Variants in PALS2 observed in about 807,000 individuals in gnomAD.
PALS2 encodes protein associated with LIN7 2, MAGUK p55 family member.
PALS2 carries 27 observed loss-of-function variants against 61.6 expected under a neutral mutation model. The ratio of observed to expected loss-of-function variants is 0.44; its 90% CI spans 0.32 to 0.60. PALS2 has a LOEUF of 0.60. PALS2 is among the 20% of genes least tolerant of loss of function. PALS2 has a pLI of 0.05. For synonymous variants in PALS2, 236 were observed against 218.6 expected (o/e 1.08, Z -0.70); for missense variants, 554 against 639.4 (o/e 0.87, Z 1.44).
At chr7:24,685,580 C>T (rs1788152346) in intron 11 of PALS2, among the ~76,000 whole-genome samples, 1 of 151,128 alleles carries the variant, frequency 6.6e-6, no homozygotes, top group Admixed American at 6.6e-5. Flanking sequence ...AGAGACCACT[C>T]TATAGCCAGA....
intron 1 of PALS2, among the ~76,000 whole-genome samples, chr7:24,575,786 C>A (rs1782621154): frequency 6.6e-6 from 1 of 151,894 alleles, no homozygotes; most frequent in Admixed American, 6.6e-5. Context: ...AAAAAACAGC[C>A]AGAAAATAAA....
chr7:24,623,645 A>T (rs565567806), intron 1 of PALS2, 21 bp from the exon 2 acceptor site: 1 of 1,410,318 alleles, frequency 7.1e-7, no homozygotes, highest in Non-Finnish European at 9.7e-7. Context: ...GTTTGTTTTT[A>T]TGTTGCTTTT....
At chr7:24,606,964 A>G (rs1007218057) in intron 1 of PALS2, among the ~76,000 whole-genome samples, 6 of 152,148 alleles carry the variant, frequency 3.9e-5, no homozygotes, top group Admixed American at 6.6e-5. Flanking sequence ...AATTTTGTGC[A>G]TGAAACAAAG....
rs950281097 is a variant in PALS2 at position 24,678,934 on chromosome 7, G to A, written c.1115-197G>A. Among the ~76,000 whole-genome samples the A allele has an allele frequency of 2.0e-5, 3 of 152,102 alleles. 1 individual carries two copies. Among genetic ancestry groups the A allele is most frequent in the African/African-American group, 7.2e-5 (3 of 41,420 alleles). On this transcript the variant is annotated intron_variant, in intron 9 of 11. Transcript: ENST00000222644. ...ACCATTTTAATGGGAAAGAAACCAT[G>A]TATGATACATAAACAAATGAGTATG...
intron 1 of PALS2, among the ~76,000 whole-genome samples, chr7:24,621,149 C>A (rs1011529428): frequency 3.9e-5 from 6 of 152,046 alleles, no homozygotes; most frequent in African/African-American, 1.4e-4. Flanking sequence ...TTCTTTACTT[C>A]TTATGTCATC....
At chr7:24,650,742 A>G (rs750979862) in intron 5 of PALS2, 30 bp downstream of exon 5, 4 of 1,364,694 alleles carry the variant, frequency 2.9e-6, no homozygotes, top group Non-Finnish European at 4.0e-6. Flanking sequence ...GTAGTATTAA[A>G]AATACTTTCA....
At chr7:24,662,957 TA>T (rs1786814221) in intron 5 of PALS2, among the ~76,000 whole-genome samples, 1 of 152,266 alleles carries the variant, frequency 6.6e-6, no homozygotes, top group Non-Finnish European at 1.5e-5. Flanking sequence ...AATGCAAATG[TA>T]AAAGAAATGT....
rs1032864029 is a variant in PALS2 at position 24,618,192 on chromosome 7, G to T, written c.-2-5474G>T. 1.3e-5 allele frequency among the ~76,000 whole-genome samples: 2 copies of T among 152,142 alleles called. No individual in the cohort carries two copies. The highest frequency in any genetic ancestry group is 1.9e-4 in the East Asian group (1 of 5,192). The stretch of plus-strand genomic sequence containing the variant: ...ACATGTCAGCTGCTCAGTTGCTCAG[G>T]GACCTCTGCTGCTCAGGGGAGGGCA... On this transcript the variant is annotated intron_variant, in intron 1 of 11. Coordinates refer to ENST00000222644, the MANE Select transcript of PALS2 (RefSeq NM_001303037.2). This position sits in a 1 kb window ranked among gnomAD's most constrained non-coding sequence, Gnocchi z 5.1.
chr7:24,600,358 C>T (rs1371251743), intron 1 of PALS2, among the ~76,000 whole-genome samples: 1 of 152,010 alleles, frequency 6.6e-6, no homozygotes, highest in Non-Finnish European at 1.5e-5. Context: ...TGACTGTATC[C>T]AAATTGATGA....
At chr7:24,623,145 A>G (rs1446219866) in intron 1 of PALS2, among the ~76,000 whole-genome samples, 1 of 148,654 alleles carries the variant, frequency 6.7e-6, no homozygotes, top group African/African-American at 2.5e-5. Context: ...TGTTGGGTTT[A>G]GTATCAGGGT....
At chr7:24,650,815 A>C in intron 5 of PALS2, 103 bp downstream of exon 5, 1 of 849,476 alleles carries the variant, frequency 1.2e-6, no homozygotes, top group Non-Finnish European at 1.7e-6. Flanking sequence ...AGAAAAGAGA[A>C]AAAATTGATT....
At chr7:24,595,535 A>G (rs921547243) in intron 1 of PALS2, among the ~76,000 whole-genome samples, 3 of 132,362 alleles carry the variant, frequency 2.3e-5, no homozygotes, top group Admixed American at 1.6e-4. Context: ...AATATATAAT[A>G]TATAATATAT....
chr7:24,679,396 T>A, intron 10 of PALS2, 63 bp downstream of exon 10: 2 of 1,550,508 alleles, frequency 1.3e-6, no homozygotes, highest in Non-Finnish European at 1.8e-6. Context: ...TTTTCATGTG[T>A]GTCGGGGTTG....
At chr7:24,678,909 A>AC (rs1163227105) in intron 9 of PALS2, among the ~76,000 whole-genome samples, 1 of 152,126 alleles carries the variant, frequency 6.6e-6, no homozygotes, top group Non-Finnish European at 1.5e-5. Context: ...AATTACTACC[A>AC]CCATTTTAAT....
chr7:24,638,322 CTTTTTTTTTTTTT>C (rs749421698), intron 2 of PALS2, among the ~76,000 whole-genome samples: 1 of 11,926 alleles, frequency 8.4e-5, no homozygotes, highest in Non-Finnish European at 1.2e-4. Context: ...TCTGTATTTT[CTTTTTTTTTTTTT>C]TTTTTTTTTT....
chr7:24,616,020 A>G (rs1168179236), intron 1 of PALS2, among the ~76,000 whole-genome samples: 1 of 152,126 alleles, frequency 6.6e-6, no homozygotes, highest in Non-Finnish European at 1.5e-5. Flanking sequence ...TAAAAACTCA[A>G]TAAATTAGGT....
At chr7:24,641,007 CAAAAAAAAAA>C (rs35912373) in intron 2 of PALS2, among the ~76,000 whole-genome samples, 2 of 67,106 alleles carry the variant, frequency 3.0e-5, no homozygotes, top group East Asian at 9.3e-4. Context: ...GACTCCATCT[CAAAAAAAAAA>C]AAAAAAAAAA....
At chr7:24,575,480 C>A (rs772386731) in intron 1 of PALS2, among the ~76,000 whole-genome samples, 4 of 152,110 alleles carry the variant, frequency 2.6e-5, no homozygotes, top group Non-Finnish European at 5.9e-5. Flanking sequence ...CTGCTTCTCT[C>A]TTTCTCTCCC....
chr7:24,610,875 T>C (rs924155167), intron 1 of PALS2, among the ~76,000 whole-genome samples: 7 of 152,170 alleles, frequency 4.6e-5, no homozygotes, highest in African/African-American at 1.4e-4. Context: ...ATGGATACTG[T>C]AAGTTATGCA....
Sources: allele counts gnomAD v4.1 joint callset (sites outside exome capture counted in the v4.1 genomes callset), GRCh38; gene constraint gnomAD v4.1.1; non-coding constraint Gnocchi (gnomAD v3.1); transcripts MANE v1.5; gene names NCBI Gene and HGNC (gene_info 2026-07-23, HGNC 2026-07-21).